AHCY: variants seen among roughly 807,000 people sequenced by gnomAD.
AHCY encodes S-adenosyl-L-homocysteine hydrolase.
AHCY carries 24 observed loss-of-function variants against 45.4 expected under a neutral mutation model. That is an observed-to-expected ratio of 0.53 (90% CI 0.38 to 0.74). AHCY has a LOEUF of 0.74. Ranked by LOEUF, AHCY falls within the 30% of genes least tolerant of loss-of-function variation. The pLI is 0.00. For missense variants in AHCY, 449 were observed against 594.1 expected, an observed-to-expected ratio of 0.76 and a Z score of 2.54; for synonymous variants, 245 against 235.1, an observed-to-expected ratio of 1.04 and a Z score of -0.39.
At chr20:34,302,125 C>T (rs563483745) in intron 1 of AHCY, 4 of 394,850 alleles carry the variant, frequency 1.0e-5, no homozygotes, top group South Asian at 2.1e-4. Context: ...CTCAGCCTCC[C>T]GAGTAGCTGG....
At chr20:34,251,272 T>A in the AHCY span, among the ~76,000 whole-genome samples, 1 of 149,774 alleles carries the variant, frequency 6.7e-6, no homozygotes, top group Non-Finnish European at 1.5e-5. Flanking sequence ...TTTCTCTGTG[T>A]AACTTTTTTT....
the AHCY span, among the ~76,000 whole-genome samples, chr20:34,238,441 C>G: frequency 2.0e-5 from 3 of 152,096 alleles, no homozygotes; most frequent in African/African-American, 7.2e-5. Context: ...CTTTGAATCC[C>G]TCTAGTGCAT....
chr20:34,239,816 C>G, the AHCY span, among the ~76,000 whole-genome samples: 1 of 152,178 alleles, frequency 6.6e-6, no homozygotes, highest in Non-Finnish European at 1.5e-5. Flanking sequence ...CATCCCCTAT[C>G]CCACTCTTCT....
At chr20:34,266,858 G>A in the AHCY span, among the ~76,000 whole-genome samples, 1 of 152,262 alleles carries the variant, frequency 6.6e-6, no homozygotes, top group African/African-American at 2.4e-5. Flanking sequence ...CATTAACACA[G>A]GTTCCCACTT....
chr20:34,302,758 G>C (rs2036820884), intron 1 of AHCY: 5 of 991,522 alleles, frequency 5.0e-6, no homozygotes, highest in Non-Finnish European at 6.0e-6. Flanking sequence ...GAGGATCGGA[G>C]CCGGCCTGGG....
chr20:34,282,939 TCTA>T (rs2036050077), intron 9 of AHCY, among the ~76,000 whole-genome samples: 2 of 152,144 alleles, frequency 1.3e-5, no homozygotes, highest in Admixed American at 1.3e-4. Flanking sequence ...TGGTTTCACA[TCTA>T]CTGTTTCATT....
At position 34,281,147 on chromosome 20, in the gene AHCY, C is replaced by T; in HGVS notation, c.1186G>A (p.Glu396Lys). The change falls in exon 10 of 10, where the codon GAA becomes AAA. Residue 396 changes from glutamate to lysine, a missense_variant. Transcript: ENST00000217426. ...ACATTCAGCTTGCCCAGGTGGGCTT[C>T]AGCCACTGCCTCATCCAGCTGGGGA... The part of the protein sequence containing the change: ...LPKKLDEAVA[E>K]AHLGKLNVKL... 6.2e-7 allele frequency: 1 copy of T among 1,613,508 alleles called. No homozygotes were observed. The highest frequency in any genetic ancestry group is 1.1e-5 in the South Asian group (1 of 91,046).
chr20:34,285,675 C>T (rs767222261), intron 8 of AHCY, 41 bp from the exon 9 acceptor site: 15 of 1,604,488 alleles, frequency 9.3e-6, no homozygotes, highest in Middle Eastern at 1.6e-4. Context: ...GGCAGGGCCC[C>T]GCTCCCACAG....
chr20:34,275,822 G>A (rs567408412), downstream of AHCY, among the ~76,000 whole-genome samples: 3 of 151,564 alleles, frequency 2.0e-5, no homozygotes, highest in East Asian at 1.9e-4. Context: ...GATTACAGGC[G>A]TGCATCACCA....
downstream of AHCY, among the ~76,000 whole-genome samples, chr20:34,279,924 A>G (rs2035951661): frequency 6.6e-6 from 1 of 152,078 alleles, no homozygotes; most frequent in South Asian, 2.1e-4. Flanking sequence ...CTAACATGGT[A>G]AAACCCCGTC....
chr20:34,235,840 A>AAGGAAG, the AHCY span, among the ~76,000 whole-genome samples: 1 of 53,754 alleles, frequency 1.9e-5, no homozygotes, highest in African/African-American at 1.9e-4. Context: ...AAAGAAAGAA[A>AAGGAAG]GAAGGAAGGA....
At chr20:34,287,630 G>C (rs546430693) in intron 8 of AHCY, among the ~76,000 whole-genome samples, 1 of 152,068 alleles carries the variant, frequency 6.6e-6, no homozygotes, top group African/African-American at 2.4e-5. Flanking sequence ...GACCTCAAGT[G>C]ATCCGCCTGC....
rs1161695097 is a variant in AHCY at position 34,290,438 on chromosome 20, T to C, written c.866A>G (p.Gln289Arg). 2.3e-5 allele frequency: 37 copies of C among 1,614,128 alleles called. No homozygotes were observed. The highest frequency in any genetic ancestry group is 3.1e-5 in the Non-Finnish European group (36 of 1,180,052). ...IDIILGRHFEQMKDDAIVCNI... is the reference protein window; with the variant it reads ...IDIILGRHFERMKDDAIVCNI... ...ACACACAATGGCATCATCCTTCATC[T>C]GCTCAAAGTGCCTGTCAGGCAGCCC... The change falls in exon 8 of 10, where the codon CAG becomes CGG. Residue 289 changes from glutamine (Q) to arginine (R), a missense_variant. Transcript: ENST00000217426. This position sits in a 1 kb window ranked among gnomAD's most constrained non-coding sequence, Gnocchi z 4.5.
upstream of AHCY, among the ~76,000 whole-genome samples, chr20:34,306,658 C>G (rs990378276): frequency 4.6e-5 from 7 of 152,108 alleles, no homozygotes; most frequent in Middle Eastern, 3.2e-3. Flanking sequence ...TGTAAGCCAC[C>G]ACGCCCAGCC....
the AHCY span, among the ~76,000 whole-genome samples, chr20:34,253,391 C>T: frequency 2.0e-5 from 3 of 151,580 alleles, no homozygotes; most frequent in Non-Finnish European, 2.9e-5. Flanking sequence ...CGGGCGTGAG[C>T]CACCGCGCCC....
chr20:34,280,775 C>A lies in AHCY; in HGVS notation c.*259G>T, dbSNP rs2035972842. 1.1e-5 allele frequency: 6 copies of A among 532,662 alleles called. No individual in the cohort carries two copies. In the East Asian group the frequency reaches 2.1e-4, roughly 19 times the overall value. 33.0% of individuals were successfully genotyped at this position (532,662 alleles called of 1,614,324 possible). A position where few individuals can be genotyped will look rare whatever the true frequency, so the allele number is the denominator to read the frequency against. On this transcript the variant is annotated 3_prime_UTR_variant, in exon 10 of 10. Coordinates refer to ENST00000217426, the MANE Select transcript of AHCY (RefSeq NM_000687.4). ...GGAAGGACTGACTTAGTGAGCTGTTCCAAGACCACTGAGCTCATGGTTCCC... is the reference window on the plus strand; with the variant it reads ...GGAAGGACTGACTTAGTGAGCTGTTACAAGACCACTGAGCTCATGGTTCCC...
the AHCY span, among the ~76,000 whole-genome samples, chr20:34,268,036 T>C: frequency 6.6e-6 from 1 of 152,212 alleles, no homozygotes; most frequent in Admixed American, 6.5e-5. Flanking sequence ...GCATAAAATG[T>C]AGTTCTAACT....
the AHCY span, among the ~76,000 whole-genome samples, chr20:34,233,143 C>CTTT: frequency 0.029 from 2,950 of 100,298 alleles, 348 homozygotes; most frequent in African/African-American, 0.12. Context: ...GGGACAAGAG[C>CTTT]TTTTTTTTTT....
the AHCY span, among the ~76,000 whole-genome samples, chr20:34,263,794 G>A: frequency 2.0e-4 from 30 of 151,316 alleles, no homozygotes; most frequent in South Asian, 2.1e-3. Flanking sequence ...TCAGCCTCCC[G>A]AGTAGCTGGA....
Sources: allele counts gnomAD v4.1 joint callset (sites outside exome capture counted in the v4.1 genomes callset), GRCh38; gene constraint gnomAD v4.1.1; non-coding constraint Gnocchi (gnomAD v3.1); transcripts MANE v1.5; gene names NCBI Gene and HGNC (gene_info 2026-07-23, HGNC 2026-07-21).